PANK1: variants seen among roughly 807,000 people sequenced by gnomAD.
PANK1 encodes the protein pantothenate kinase 1, also known as pantothenic acid kinase 1.
A neutral mutation model predicts 40.1 loss-of-function variants in PANK1; 18 were observed. That is an observed-to-expected ratio of 0.45 (90% CI 0.31 to 0.67). The LOEUF is 0.67. Among genes scored for constraint, PANK1 ranks in the 30% least tolerant of loss-of-function variants. The pLI is 0.06. For synonymous variants in PANK1, 242 were observed against 237.7 expected (o/e 1.02, Z -0.17); for missense variants, 457 against 599.6 (o/e 0.76, Z 2.48).
rs1283495119 is a variant in PANK1 at position 89,583,478 on chromosome 10, A to C, written c.*928T>G. 1 of 152,198 alleles carries C rather than the reference A, an allele frequency of 6.6e-6. No individual in the cohort carries two copies. 9.4% of individuals were successfully genotyped at this position (152,198 alleles called of 1,614,324 possible). On this transcript the variant is annotated 3_prime_UTR_variant, in exon 7 of 7. Coordinates refer to ENST00000307534, the MANE Select transcript of PANK1 (RefSeq NM_148977.3). The stretch of plus-strand genomic sequence containing the variant: ...ATCTCCTGATATGAACAATTAATCT[A>C]CTGGGAGGCTTTTCCCAATAAGTTT...
intron 1 of PANK1, among the ~76,000 whole-genome samples, chr10:89,630,627 A>G (rs375925253): frequency 1.9e-4 from 29 of 151,796 alleles, no homozygotes; most frequent in African/African-American, 6.8e-4. Context: ...CGAGTAGCTG[A>G]GACTACAGGC....
chr10:89,613,366 C>G (rs540102616), intron 1 of PANK1, among the ~76,000 whole-genome samples: 2 of 152,212 alleles, frequency 1.3e-5, no homozygotes, highest in Non-Finnish European at 2.9e-5. Context: ...ATTGTCCACA[C>G]TGCCAGAAAC....
intron 1 of PANK1, among the ~76,000 whole-genome samples, chr10:89,635,570 C>T (rs1375933391): frequency 6.6e-6 from 1 of 152,142 alleles, no homozygotes; most frequent in African/African-American, 2.4e-5. Flanking sequence ...AGCATTCCAC[C>T]CTGGCTCCCC....
At chr10:89,611,533 A>G (rs1157894005) in intron 2 of PANK1, among the ~76,000 whole-genome samples, 163 bp downstream of exon 2, 1 of 152,216 alleles carries the variant, frequency 6.6e-6, no homozygotes, top group Non-Finnish European at 1.5e-5. Context: ...TATGAGGTAG[A>G]AGCTGTTTTT....
chr10:89,637,080 G>A lies in PANK1; in HGVS notation c.292+7520C>T, dbSNP rs1442812451. On this transcript the variant is annotated intron_variant, in intron 1 of 6. Coordinates refer to ENST00000307534, the MANE Select transcript of PANK1 (RefSeq NM_148977.3). ...CCACCGTGTTAGCCAGGATGGTCTC[G>A]ATCTCCTGACCTTCTGATCCACCAG... Among the ~76,000 whole-genome samples, 9 of 151,250 alleles carry A rather than the reference G, an allele frequency of 6.0e-5. No individual in the cohort carries two copies. In the South Asian group the frequency reaches 1.0e-3, roughly 18 times the overall value.
intron 3 of PANK1, among the ~76,000 whole-genome samples, chr10:89,597,956 C>G (rs1033694951): frequency 6.6e-6 from 1 of 152,138 alleles, no homozygotes; most frequent in Non-Finnish European, 1.5e-5. Context: ...ACTTACAAAA[C>G]AAAGCCTATA....
In PANK1 at chr10:89,588,639, A is replaced by C. The variant is rs925520004; in HGVS notation, c.1326+13T>G. ...TCCACATATGACAGTAAGTCTATGC[A>C]AGCTCAACCTACCTCATGTTCCAAA... On this transcript the variant is annotated intron_variant, in intron 6 of 6. Coordinates refer to ENST00000307534, the MANE Select transcript of PANK1 (RefSeq NM_148977.3). 6 of 1,589,884 alleles carry C rather than the reference A, an allele frequency of 3.8e-6. No individual in the cohort carries two copies. The African/African-American group carries it at 8.1e-5, about 22-fold the overall frequency.
chr10:89,623,776 G>A (rs1031971674), intron 1 of PANK1, among the ~76,000 whole-genome samples: 11 of 152,002 alleles, frequency 7.2e-5, no homozygotes, highest in African/African-American at 1.9e-4. Flanking sequence ...TCCACTGAAC[G>A]CAAGCCATCA....
At chr10:89,609,812 A>G (rs1845095625) in intron 2 of PANK1, among the ~76,000 whole-genome samples, 2 of 152,244 alleles carry the variant, frequency 1.3e-5, no homozygotes, top group Admixed American at 1.3e-4. Context: ...ACTTTTCTCA[A>G]CTTAGAACCT....
chr10:89,626,936 C>T (rs1360645722), intron 1 of PANK1, among the ~76,000 whole-genome samples: 4 of 152,126 alleles, frequency 2.6e-5, no homozygotes. Context: ...AATACCAGAG[C>T]ATGGTTAATT....
At chr10:89,586,313 A>AT (rs999336948) in intron 6 of PANK1, among the ~76,000 whole-genome samples, 1 of 151,852 alleles carries the variant, frequency 6.6e-6, no homozygotes, top group Non-Finnish European at 1.5e-5. Flanking sequence ...CTTTTTCATT[A>AT]TTTTTTTTAA....
intron 5 of PANK1, among the ~76,000 whole-genome samples, chr10:89,589,561 G>C (rs1326712510): frequency 2.0e-5 from 3 of 151,988 alleles, no homozygotes; most frequent in Non-Finnish European, 4.4e-5. Flanking sequence ...CACTCACTTA[G>C]AGCCAGTTGC....
intron 2 of PANK1, among the ~76,000 whole-genome samples, chr10:89,610,872 A>G (rs1252323118): frequency 1.3e-5 from 2 of 152,168 alleles, no homozygotes; most frequent in African/African-American, 4.8e-5. Context: ...ATATATCTAC[A>G]TCTATTGTTT....
rs773342215 is a variant in PANK1 at position 89,644,748 on chromosome 10, C to T, written c.144G>A (p.Arg48=). 4 of 1,520,186 alleles carry T rather than the reference C, an allele frequency of 2.6e-6. No homozygotes were observed. Among genetic ancestry groups the T allele is most frequent in the Non-Finnish European group, 3.5e-6 (4 of 1,140,304 alleles). 94.2% of individuals were successfully genotyped at this position (1,520,186 alleles called of 1,614,324 possible). A position where few individuals can be genotyped will look rare whatever the true frequency, so the allele number is the denominator to read the frequency against. Residue 48 remains arginine (R), a synonymous_variant, in exon 1 of 7, where the codon CGG becomes CGA. Transcript: ENST00000307534. ...PPVQPPHVCS[R]GPVGGSDAAP... is the part of the protein sequence containing the mutation. ...CCGCGTCGCTGCCGCCCACTGGACCCCGGCTGCAGACGTGCGGCGGCTGGA... is the reference window on the plus strand; with the variant it reads ...CCGCGTCGCTGCCGCCCACTGGACCTCGGCTGCAGACGTGCGGCGGCTGGA...
At chr10:89,591,845 A>G (rs947150634) in intron 5 of PANK1, among the ~76,000 whole-genome samples, 16 of 152,224 alleles carry the variant, frequency 1.1e-4, no homozygotes, top group Admixed American at 1.0e-3. Context: ...ATGCCTGTGA[A>G]AAGACCTGCT....
In PANK1 at chr10:89,593,265, C is replaced by T. The variant is rs761276264; in HGVS notation, c.1132G>A (p.Ala378Thr). ...KRDSISKEDL[A>T]RATLVTITNN... ...GTGATGGTGACCAATGTGGCCCGGGCGAGGTCTTCCTTGCTGATGGAATCT... is the reference window on the plus strand; with the variant it reads ...GTGATGGTGACCAATGTGGCCCGGGTGAGGTCTTCCTTGCTGATGGAATCT... The change falls in exon 5 of 7, where the codon GCC becomes ACC. Residue 378 changes from alanine (A) to threonine (T), a missense_variant. Around this residue, in one of 4 missense-constraint regions of PANK1, gnomAD observed 286 missense variants for 415.8 expected, o/e 0.69. Transcript: ENST00000307534. 12 of 1,613,586 alleles carry T rather than the reference C, an allele frequency of 7.4e-6. No individual in the cohort carries two copies. In the Admixed American group the frequency reaches 1.2e-4, roughly 16 times the overall value.
rs540489051 is a variant in PANK1, at chr10:89,634,587, T to C, written c.292+10013A>G. 3.9e-5 allele frequency among the ~76,000 whole-genome samples: 6 copies of C among 152,346 alleles called. No individual in the cohort carries two copies. The South Asian group carries it at 1.2e-3, about 32-fold the overall frequency. On this transcript the variant is annotated intron_variant, in intron 1 of 6. Coordinates refer to ENST00000307534, the MANE Select transcript of PANK1 (RefSeq NM_148977.3). ...GGGTTAAAAAAATGACCCAAGAACT[T>C]GATGTAGTTCTTCTGAATTCTGAAG... is the stretch of plus-strand genomic sequence containing the variant.
chr10:89,590,373 T>G (rs1251652057), intron 5 of PANK1, among the ~76,000 whole-genome samples: 1 of 151,842 alleles, frequency 6.6e-6, no homozygotes, highest in Non-Finnish European at 1.5e-5. Context: ...GGTATAATTT[T>G]TAACCTATTA....
rs984846857 is a variant in PANK1, at chr10:89,594,980, T to C, written c.900-991A>G. ...AATGAAGAAGAGCTGCTCACATCCA[T>C]CTGTTCTGAAGCCCCAAAGAGCTAC... On this transcript the variant is annotated intron_variant, in intron 3 of 6. Coordinates refer to ENST00000307534, the MANE Select transcript of PANK1 (RefSeq NM_148977.3). Among the ~76,000 whole-genome samples, 76 of 152,330 alleles carry C rather than the reference T, an allele frequency of 5.0e-4. 1 individual carries two copies. The highest frequency in any genetic ancestry group is 1.7e-3 in the African/African-American group (71 of 41,580).
Sources: allele counts gnomAD v4.1 joint callset (sites outside exome capture counted in the v4.1 genomes callset), GRCh38; gene constraint gnomAD v4.1.1; regional missense constraint gnomAD v4.1.1; transcripts MANE v1.5; gene names NCBI Gene and HGNC (gene_info 2026-07-23, HGNC 2026-07-21).